Variants in TTC39B observed in about 807,000 individuals in gnomAD.
The protein encoded by TTC39B is tetratricopeptide repeat domain 39B, also known as tetratricopeptide repeat protein 39B.
In TTC39B, 92 loss-of-function variants were observed where a neutral mutation model predicts 96.6. The observed-to-expected ratio is 0.95, with a 90% CI of 0.80 to 1.13. The LOEUF (loss-of-function observed/expected upper bound fraction) is 1.13, where lower values mean the gene tolerates loss of function less well. Among genes scored for constraint, TTC39B ranks in the 50% most tolerant of loss-of-function variants. The pLI is 0.00. For synonymous variants in TTC39B, 367 were observed against 299.4 expected (o/e 1.23, Z -2.33); for missense variants, 955 against 809.3 (o/e 1.18, Z -2.18).
chr9:15,249,937 C>T, intron 2 of TTC39B: 1 of 1,281,506 alleles, frequency 7.8e-7, no homozygotes, highest in Non-Finnish European at 1.0e-6. Context: ...GCAGCTGTAA[C>T]TTTGGAGGAA....
Position 15,306,934 on chromosome 9 carries a change from C to G in TTC39B, c.240+150G>C. 1 of 1,100,872 alleles carries G rather than the reference C, an allele frequency of 9.1e-7. No individual in the cohort carries two copies. The highest frequency in any genetic ancestry group is 1.3e-6 in the Non-Finnish European group (1 of 785,152). The allele number at this position is 1,100,872 out of a possible 1,614,324, so 68.2% of individuals were successfully genotyped here. On this transcript the variant is annotated intron_variant, in intron 1 of 19. Coordinates refer to ENST00000512701, the Ensembl canonical transcript of TTC39B. The surrounding 1 kb of genome is among the most constrained non-coding windows in gnomAD (Gnocchi z 5.1). ...TCCAGCGGGGACAGACCTACCAAGG[C>G]CGGGCGCCCCCACCCGGCGCCCGCC... is the stretch of plus-strand genomic sequence containing the variant.
At chr9:15,273,578 C>T (rs893899196) in intron 1 of TTC39B, among the ~76,000 whole-genome samples, 12 of 152,148 alleles carry the variant, frequency 7.9e-5, no homozygotes, top group Admixed American at 2.0e-4. Flanking sequence ...GATTCTACCA[C>T]GCTCATTTAA....
chr9:15,264,927 T>C (rs1823076075), intron 2 of TTC39B, among the ~76,000 whole-genome samples: 1 of 152,072 alleles, frequency 6.6e-6, no homozygotes, highest in African/African-American at 2.4e-5. Flanking sequence ...TCTAACTCGG[T>C]TGAACAAAAG....
At chr9:15,207,697 G>A (rs1353682338) in intron 6 of TTC39B, among the ~76,000 whole-genome samples, 1 of 151,948 alleles carries the variant, frequency 6.6e-6, no homozygotes, top group Non-Finnish European at 1.5e-5. Flanking sequence ...AAAAATGGAG[G>A]ATTATCAGCT....
chr9:15,283,413 C>T (rs1301757264), intron 1 of TTC39B, among the ~76,000 whole-genome samples: 3 of 152,210 alleles, frequency 2.0e-5, no homozygotes, highest in Admixed American at 6.5e-5. Context: ...TATGCATTGT[C>T]TCATGTAAAC....
intron 2 of TTC39B, among the ~76,000 whole-genome samples, chr9:15,233,300 G>T (rs1345058358): frequency 6.6e-6 from 1 of 152,058 alleles, no homozygotes; most frequent in Non-Finnish European, 1.5e-5. Flanking sequence ...AACACACGGC[G>T]ACAAGGAGAA....
rs115376277 is a variant in TTC39B at position 15,288,626 on chromosome 9, C to G, written c.240+18458G>C. ...ATTCATCCTTCAAGTCCATGTGCAACCTGATTCTTCCTGGACACTGGACAA... is the reference window on the plus strand; with the variant it reads ...ATTCATCCTTCAAGTCCATGTGCAAGCTGATTCTTCCTGGACACTGGACAA... On this transcript the variant is annotated intron_variant, in intron 1 of 19. Coordinates refer to ENST00000512701, the Ensembl canonical transcript of TTC39B. Among the ~76,000 whole-genome samples the G allele has an allele frequency of 3.5e-3, 533 of 152,350 alleles. 6 individuals carry two copies. Among genetic ancestry groups the G allele is most frequent in the African/African-American group, 0.012 (499 of 41,580 alleles).
rs955294285 is a variant in TTC39B at position 15,187,871 on chromosome 9, A to C, written c.1395+100T>G. ...TTTTGTGGATCTCTAAGTTGAGAAA[A>C]CACTGTGGTATCATACTACTGAGCA... On this transcript the variant is annotated intron_variant, in intron 14 of 19. Transcript: ENST00000512701. The C allele has an allele frequency of 1.6e-5, 20 of 1,246,800 alleles. No homozygotes were observed. The South Asian group carries it at 3.3e-4, about 21-fold the overall frequency. 77.2% of individuals were successfully genotyped at this position (1,246,800 alleles called of 1,614,324 possible). A position where few individuals can be genotyped will look rare whatever the true frequency, so the allele number is the denominator to read the frequency against.
chr9:15,214,145 C>T lies in TTC39B; in HGVS notation c.476G>A (p.Arg159His), dbSNP rs192520168. ...AAGAGACAAAGTAAATTACCAGGGGCGAAGCAATTCTAAGGCGTCTGTAAA... is the reference window on the plus strand; with the variant it reads ...AAGAGACAAAGTAAATTACCAGGGGTGAAGCAATTCTAAGGCGTCTGTAAA... The change falls in exon 4 of 20, where the codon CGC becomes CAC. Residue 159 changes from arginine (R) to histidine (H), a missense_variant. Transcript: ENST00000512701. The T allele has an allele frequency of 2.5e-5, 41 of 1,612,018 alleles. 1 individual carries two copies. The highest frequency in any genetic ancestry group is 9.3e-5 in the African/African-American group (7 of 74,968).
At chr9:15,177,110 G>C (rs1817982385) in intron 18 of TTC39B, among the ~76,000 whole-genome samples, 1 of 152,122 alleles carries the variant, frequency 6.6e-6, no homozygotes, top group South Asian at 2.1e-4. Flanking sequence ...CACAGTCTCT[G>C]GCATATAGTG....
chr9:15,238,483 A>G (rs1821889912), intron 2 of TTC39B, among the ~76,000 whole-genome samples: 1 of 152,218 alleles, frequency 6.6e-6, no homozygotes, highest in South Asian at 2.1e-4. Flanking sequence ...GCATTTCTAT[A>G]TACCAATTAT....
intron 3 of TTC39B, among the ~76,000 whole-genome samples, chr9:15,216,951 TGAG>T (rs1041775263): frequency 2.0e-5 from 3 of 151,846 alleles, no homozygotes; most frequent in Admixed American, 6.6e-5. Flanking sequence ...GAGGCAGGGG[TGAG>T]GAGAAGGCCC....
chr9:15,252,208 T>C (rs1425811763), intron 2 of TTC39B, among the ~76,000 whole-genome samples: 1 of 152,232 alleles, frequency 6.6e-6, no homozygotes, highest in African/African-American at 2.4e-5. Context: ...ATATCTCTCA[T>C]CTAATTTTTC....
intron 1 of TTC39B, among the ~76,000 whole-genome samples, chr9:15,302,079 T>C (rs1319766545): frequency 6.6e-6 from 1 of 152,018 alleles, no homozygotes; most frequent in Non-Finnish European, 1.5e-5. Flanking sequence ...TCCCAGCACA[T>C]TGGGAGGCCA....
chr9:15,251,731 A>ATATATATATATATGTATG (rs1563764609), intron 2 of TTC39B, among the ~76,000 whole-genome samples: 29 of 126,954 alleles, frequency 2.3e-4, no homozygotes, highest in African/African-American at 8.0e-4. Flanking sequence ...ATATATATAT[A>ATATATATATATATGTATG]TATATGTAGT....
intron 2 of TTC39B, among the ~76,000 whole-genome samples, chr9:15,251,688 C>CACAT (rs1290898109): frequency 1.9e-5 from 2 of 106,706 alleles, no homozygotes; most frequent in African/African-American, 3.5e-5. Flanking sequence ...CACACACACA[C>CACAT]ACATACATAT....
At chr9:15,181,059 A>G (rs1180104389) in intron 17 of TTC39B, among the ~76,000 whole-genome samples, 1 of 152,122 alleles carries the variant, frequency 6.6e-6, no homozygotes, top group Non-Finnish European at 1.5e-5. Flanking sequence ...CCAAATTTCC[A>G]CTGCATTTTA....
intron 2 of TTC39B, among the ~76,000 whole-genome samples, chr9:15,252,532 C>T (rs528930232): frequency 1.3e-5 from 2 of 152,166 alleles, no homozygotes; most frequent in East Asian, 3.9e-4. Context: ...CCTGTAATCC[C>T]AGCTACTTGG....
At chr9:15,190,402 G>C (rs1175256432) in intron 11 of TTC39B, 152 bp downstream of exon 11, 8 of 593,148 alleles carry the variant, frequency 1.3e-5, no homozygotes, top group Middle Eastern at 4.4e-4. Flanking sequence ...ATCCAGTGCA[G>C]TGACGTGATC....
Sources: allele counts gnomAD v4.1 joint callset (sites outside exome capture counted in the v4.1 genomes callset), GRCh38; gene constraint gnomAD v4.1.1; non-coding constraint Gnocchi (gnomAD v3.1); transcripts MANE v1.5; gene names NCBI Gene and HGNC (gene_info 2026-07-23, HGNC 2026-07-21).